SLC44A5: variants seen among roughly 807,000 people sequenced by gnomAD.
SLC44A5 encodes choline transporter-like protein 5.
SLC44A5 carries 57 observed loss-of-function variants against 101.8 expected under a neutral mutation model. The ratio of observed to expected loss-of-function variants is 0.56; its 90% confidence interval spans 0.45 to 0.70. The LOEUF is 0.70. SLC44A5 is among the 30% of genes least tolerant of loss of function. The pLI is 0.00. For missense variants in SLC44A5, 737 were observed against 853.1 expected (o/e 0.86, Z 1.70); for synonymous variants, 281 against 290.9 (o/e 0.97, Z 0.35).
intron 7 of SLC44A5, among the ~76,000 whole-genome samples, chr1:75,246,777 T>C (rs1229835436): frequency 1.3e-5 from 2 of 152,032 alleles, no homozygotes; most frequent in African/African-American, 2.4e-5. Flanking sequence ...CATACAGTCA[T>C]CTGGAAAAAT....
intron 4 of SLC44A5, among the ~76,000 whole-genome samples, chr1:75,321,464 G>C (rs1244253982): frequency 6.9e-6 from 1 of 145,732 alleles, no homozygotes; most frequent in African/African-American, 2.8e-5. Flanking sequence ...GAGAGAGAGA[G>C]AGAGAGAGAG....
upstream of SLC44A5, among the ~76,000 whole-genome samples, chr1:75,612,588 T>C (rs1675701978): frequency 6.6e-6 from 1 of 152,232 alleles, no homozygotes; most frequent in East Asian, 1.9e-4. Flanking sequence ...AATCACTATG[T>C]GAAATTTTCT....
At chr1:75,614,957 G>A (rs369522929), upstream of SLC44A5, among the ~76,000 whole-genome samples, 4 of 152,028 alleles carry the variant, frequency 2.6e-5, no homozygotes, top group Admixed American at 1.3e-4. Flanking sequence ...TCCGCGCTGC[G>A]GGAGCGGGTG....
chr1:75,446,486 CCT>C (rs1383045187), intron 2 of SLC44A5, among the ~76,000 whole-genome samples: 1 of 152,064 alleles, frequency 6.6e-6, no homozygotes, highest in African/African-American at 2.4e-5. Flanking sequence ...CAAAAAAAAC[CCT>C]GTCTTCTTTA....
intron 5 of SLC44A5, among the ~76,000 whole-genome samples, chr1:75,291,928 C>G (rs938058602): frequency 6.7e-6 from 1 of 150,206 alleles, no homozygotes; most frequent in African/African-American, 2.4e-5. Flanking sequence ...AGGAGAATGG[C>G]GTGAACCCGG....
intron 1 of SLC44A5, among the ~76,000 whole-genome samples, chr1:75,602,591 T>A (rs1675043892): frequency 6.6e-6 from 1 of 152,180 alleles, no homozygotes; most frequent in Non-Finnish European, 1.5e-5. Context: ...TCACCAATAC[T>A]CTTTCAGTAA....
chr1:75,278,544 T>A (rs1249513081), intron 5 of SLC44A5, among the ~76,000 whole-genome samples: 1 of 152,160 alleles, frequency 6.6e-6, no homozygotes, highest in Non-Finnish European at 1.5e-5. Context: ...AAACTCATAA[T>A]TTCCTTTAAA....
At chr1:75,248,930 T>A (rs1197630806) in intron 7 of SLC44A5, among the ~76,000 whole-genome samples, 2 of 152,084 alleles carry the variant, frequency 1.3e-5, no homozygotes, top group Non-Finnish European at 2.9e-5. Context: ...AGGAGAGAGA[T>A]GCAAACCTGA....
At position 75,202,792 on chromosome 1, in the gene SLC44A5, T is replaced by A. The variant is rs1641693814; in HGVS notation, c.*935A>T. Reference sequence around the variant, plus strand: ...CTTTGTAAAACACTGAGAAATGCAGTATTATACCTATTGTATTTTCAAAGA... The same window carrying A: ...CTTTGTAAAACACTGAGAAATGCAGAATTATACCTATTGTATTTTCAAAGA... On this transcript the variant is annotated 3_prime_UTR_variant, in exon 24 of 24. Transcript: ENST00000370859. The A allele has an allele frequency of 6.6e-6, 1 of 152,114 alleles. No individual in the cohort carries two copies. The highest frequency in any genetic ancestry group is 2.4e-5 in the African/African-American group (1 of 41,424). 9.4% of individuals were successfully genotyped at this position (152,114 alleles called of 1,614,324 possible).
At chr1:75,619,298 T>G in the SLC44A5 span, among the ~76,000 whole-genome samples, 1 of 151,910 alleles carries the variant, frequency 6.6e-6, no homozygotes, top group South Asian at 2.1e-4. Flanking sequence ...AAAAATGCAG[T>G]ATTATGAATT....
At chr1:75,258,873 C>T (rs746883997) in intron 6 of SLC44A5, among the ~76,000 whole-genome samples, 1 of 152,012 alleles carries the variant, frequency 6.6e-6, no homozygotes, top group African/African-American at 2.4e-5. Flanking sequence ...GCCAGTGACA[C>T]CCAGGCAAAC....
At chr1:75,562,613 G>A (rs564217636) in intron 1 of SLC44A5, among the ~76,000 whole-genome samples, 34 of 152,154 alleles carry the variant, frequency 2.2e-4, no homozygotes, top group Admixed American at 3.9e-4. Context: ...GCTTAAGCCC[G>A]GAGATGGAGT....
chr1:75,532,496 G>A (rs1670773957), intron 2 of SLC44A5, among the ~76,000 whole-genome samples: 1 of 152,042 alleles, frequency 6.6e-6, no homozygotes, highest in Non-Finnish European at 1.5e-5. Flanking sequence ...TCTTAATAAG[G>A]CCTTCTTTGG....
At chr1:75,277,755 G>A (rs1214492997) in intron 5 of SLC44A5, among the ~76,000 whole-genome samples, 1 of 151,976 alleles carries the variant, frequency 6.6e-6, no homozygotes, top group Non-Finnish European at 1.5e-5. Flanking sequence ...GAAGATGGAA[G>A]TGTCAAGAGA....
chr1:75,396,529 T>C, intron 3 of SLC44A5, 54 bp downstream of exon 3: 1 of 1,373,844 alleles, frequency 7.3e-7, no homozygotes, highest in South Asian at 1.2e-5. Flanking sequence ...TATTTCTCAA[T>C]GGATAGACTG....
chr1:75,613,073 T>A (rs1675725809), upstream of SLC44A5, among the ~76,000 whole-genome samples: 1 of 152,210 alleles, frequency 6.6e-6, no homozygotes, highest in South Asian at 2.1e-4. Flanking sequence ...TTTGGCCAAT[T>A]TCTAGGCTTA....
chr1:75,397,241 A>G (rs1662182012), intron 2 of SLC44A5, among the ~76,000 whole-genome samples: 1 of 152,206 alleles, frequency 6.6e-6, no homozygotes, highest in South Asian at 2.1e-4. Context: ...GGCACGTGCC[A>G]TAATGAACAA....
intron 1 of SLC44A5, among the ~76,000 whole-genome samples, chr1:75,596,258 C>A (rs900676566): frequency 4.0e-5 from 6 of 151,422 alleles, no homozygotes; most frequent in Non-Finnish European, 5.9e-5. Flanking sequence ...AAATTGAATC[C>A]CTGAACAGAC....
At chr1:75,694,330 C>T in the SLC44A5 span, among the ~76,000 whole-genome samples, 2 of 151,782 alleles carry the variant, frequency 1.3e-5, no homozygotes, top group Non-Finnish European at 2.9e-5. Flanking sequence ...TGTGCACATT[C>T]TATTCTGATT....
Sources: gnomAD v4.1 joint callset for allele counts (sites outside exome capture counted in the v4.1 genomes callset) on GRCh38, gnomAD v4.1.1 for gene constraint, MANE v1.5 for transcripts, NCBI Gene and HGNC (gene_info 2026-07-23, HGNC 2026-07-21) for gene names.